The following KIF7 variants were observed in gnomAD, a reference collection of about 807,000 sequenced individuals.
The protein encoded by KIF7 is kinesin-like protein KIF7.
In KIF7, 104 loss-of-function variants were observed where a neutral mutation model predicts 135.7. The ratio of observed to expected loss-of-function variants is 0.77; its 90% confidence interval spans 0.65 to 0.90. KIF7 has a LOEUF of 0.90. Ranked by LOEUF, KIF7 falls within the 40% of genes least tolerant of loss-of-function variation. KIF7 has a pLI of 0.00. For missense variants in KIF7, 2,005 were observed against 1,839.1 expected (o/e 1.09, Z -1.65); for synonymous variants, 883 against 809.4 (o/e 1.09, Z -1.54).
Position 89,642,336 on chromosome 15 carries a change from T to G in KIF7, c.2261A>C (p.Gln754Pro). 1 of 1,610,730 alleles carries G rather than the reference T, an allele frequency of 6.2e-7. No individual in the cohort carries two copies. The highest frequency in any genetic ancestry group is 8.5e-7 in the Non-Finnish European group (1 of 1,179,158). The change falls in exon 11 of 19, where the codon CAG becomes CCG. Residue 754 changes from glutamine (Q) to proline (P), a missense_variant. Coordinates refer to ENST00000394412, the MANE Select transcript of KIF7 (RefSeq NM_198525.3). ...GCCTTCACTCAGCTCGGCCCGCACCTGCTCTGCCTCCTGCTCCAGCTCCCG... is the reference window on the plus strand; with the variant it reads ...GCCTTCACTCAGCTCGGCCCGCACCGGCTCTGCCTCCTGCTCCAGCTCCCG... The part of the protein sequence containing the change: ...RIRELEQEAE[Q>P]VRAELSEGQR...
At chr15:89,635,762 T>C (rs1249995030) in intron 11 of KIF7, among the ~76,000 whole-genome samples, 1 of 152,142 alleles carries the variant, frequency 6.6e-6, no homozygotes, top group African/African-American at 2.4e-5. Context: ...TGCAGGATAT[T>C]ATCCAGGAGA....
chr15:89,629,048 C>T lies in KIF7; in HGVS notation c.3592G>A (p.Gly1198Ser). 1 of 1,613,538 alleles carries T rather than the reference C, an allele frequency of 6.2e-7. No homozygotes were observed. The highest frequency in any genetic ancestry group is 1.1e-5 in the South Asian group (1 of 91,048). ...TCCTGGTTTATCCACATGTAACGGC[C>T]CAGTTCCTTCTCCAGAGCTTGAATC... is the stretch of plus-strand genomic sequence containing the variant. ...ARIQALEKEL[G>S]RYMWINQELK... Residue 1198 changes from glycine (G) to serine (S), a missense_variant, in exon 18 of 19, where the codon GGC becomes AGC. Gly to Ser is a moderately conservative substitution (Grantham distance 56, BLOSUM62 0). Transcript: ENST00000394412.
intron 9 of KIF7, 33 bp from the exon 10 acceptor site, chr15:89,645,198 C>T: frequency 6.2e-7 from 1 of 1,605,804 alleles, no homozygotes; most frequent in Non-Finnish European, 8.5e-7. Flanking sequence ...GTTGCTGCCC[C>T]AACTGACAGT....
In KIF7 at chr15:89,629,023, TC is replaced by T; in HGVS notation, c.3616del (p.Glu1206AsnfsTer2). ...ELGRYMWINQ[E>X]LKQKLGGVNA... is the part of the protein sequence containing the mutation. The stretch of plus-strand genomic sequence containing the variant: ...CACACCGCCGAGCTTCTGTTTCAGT[TC>T]CTGGTTTATCCACATGTAACGGCCC... On this transcript the variant is annotated frameshift_variant, in exon 18 of 19. Transcript: ENST00000394412. LOFTEE classifies it low-confidence loss of function (END_TRUNC). The T allele has an allele frequency of 6.2e-7, 1 of 1,613,680 alleles. No homozygotes were observed. The highest frequency in any genetic ancestry group is 8.5e-7 in the Non-Finnish European group (1 of 1,179,938).
chr15:89,624,836 C>G, downstream of KIF7: 1 of 1,614,192 alleles, frequency 6.2e-7, no homozygotes, highest in Middle Eastern at 1.6e-4. Context: ...ATTCCCCCAT[C>G]TCCTCCTTCC....
intron 14 of KIF7, among the ~76,000 whole-genome samples, chr15:89,632,619 C>G (rs547862101): frequency 2.0e-5 from 3 of 152,270 alleles, no homozygotes; most frequent in African/African-American, 7.2e-5. Flanking sequence ...GGCAGAGATA[C>G]CACCTAGAAG....
intron 14 of KIF7, 59 bp from the exon 15 acceptor site, chr15:89,631,769 C>T: frequency 2.1e-6 from 3 of 1,419,004 alleles, no homozygotes; most frequent in South Asian, 2.7e-5. Context: ...ACAGGGGGGA[C>T]AGAAAGGGCC....
intron 1 of KIF7, among the ~76,000 whole-genome samples, chr15:89,621,786 C>T (rs1306873948): frequency 1.3e-5 from 2 of 152,134 alleles, no homozygotes; most frequent in East Asian, 3.9e-4. Context: ...AGGATCTCAT[C>T]TGTTCTCTTG....
Position 89,648,785 on chromosome 15 carries a change from G to A in KIF7, c.924-11C>T, listed in dbSNP as rs936486327. On this transcript the variant is annotated splice_polypyrimidine_tract_variant and intron_variant, in intron 4 of 18. Coordinates refer to ENST00000394412, the MANE Select transcript of KIF7 (RefSeq NM_198525.3). ...GAGTCTTTGAGGATCCTGAGGGCGCGAGGGGGAGGCTCTCAGGGGCCCCGA... is the reference window on the plus strand; with the variant it reads ...GAGTCTTTGAGGATCCTGAGGGCGCAAGGGGGAGGCTCTCAGGGGCCCCGA... 26 of 1,529,110 alleles carry A rather than the reference G, an allele frequency of 1.7e-5. No homozygotes were observed. Among genetic ancestry groups the A allele is most frequent in the Non-Finnish European group, 2.2e-5 (25 of 1,141,236 alleles). The allele number at this position is 1,529,110 out of a possible 1,614,324, so 94.7% of individuals were successfully genotyped here. A position where few individuals can be genotyped will look rare whatever the true frequency, so the allele number is the denominator to read the frequency against.
intron 16 of KIF7, 109 bp downstream of exon 16, chr15:89,630,178 G>C: frequency 9.8e-7 from 1 of 1,023,616 alleles, no homozygotes; most frequent in Admixed American, 2.0e-5. Flanking sequence ...TCCTGATTCT[G>C]TCCCCCAGTC....
downstream of KIF7, chr15:89,625,259 C>T (rs1307161409): frequency 1.9e-6 from 3 of 1,613,300 alleles, no homozygotes; most frequent in South Asian, 2.2e-5. Flanking sequence ...TGTACCCCCA[C>T]CCACGGCCCT....
chr15:89,623,522 G>T, downstream of KIF7: 5 of 1,200,978 alleles, frequency 4.2e-6, no homozygotes, highest in Non-Finnish European at 5.8e-6. Flanking sequence ...CATTCCTTTG[G>T]CTGACTATAA....
At chr15:89,626,423 G>C (rs555189100), downstream of KIF7, among the ~76,000 whole-genome samples, 1 of 152,154 alleles carries the variant, frequency 6.6e-6, no homozygotes, top group Non-Finnish European at 1.5e-5. Flanking sequence ...GGGTTTATCC[G>C]CATGTTCTGT....
chr15:89,643,034 G>GA (rs1488672347), intron 10 of KIF7, among the ~76,000 whole-genome samples: 1 of 152,114 alleles, frequency 6.6e-6, no homozygotes, highest in Non-Finnish European at 1.5e-5. Flanking sequence ...GAGGACAAAA[G>GA]AATGAGCTAA....
Position 89,631,632 on chromosome 15 carries a change from G to A in KIF7, c.2974C>T (p.Leu992=), listed in dbSNP as rs867666556. 29 of 1,562,330 alleles carry A rather than the reference G, an allele frequency of 1.9e-5. No homozygotes were observed. Among genetic ancestry groups the A allele is most frequent in the Non-Finnish European group, 2.0e-5 (23 of 1,152,454 alleles). ...TGGCTCTGGGCGCTGCCCTGCCGCA[G>A]CTGCCCGCTCTTCTCGGACAGCTCC... ...EKELSEKSGQ[L]RQGSAQSQQQ... Residue 992 remains leucine, a synonymous_variant, in exon 15 of 19, where the codon CTG becomes TTG. Coordinates refer to ENST00000394412, the MANE Select transcript of KIF7 (RefSeq NM_198525.3).
downstream of KIF7, among the ~76,000 whole-genome samples, chr15:89,623,136 T>TTGCTGCTGCACCTTA (rs1963453342): frequency 6.6e-6 from 1 of 152,252 alleles, no homozygotes; most frequent in South Asian, 2.1e-4. Flanking sequence ...GACATTATCT[T>TTGCTGCTGCACCTTA]TGCTGCTGCA....
At chr15:89,648,905 C>T in intron 4 of KIF7, 69 bp downstream of exon 4, 1 of 1,467,080 alleles carries the variant, frequency 6.8e-7, no homozygotes, top group Non-Finnish European at 9.0e-7. Context: ...GCTTCCACCC[C>T]CACTGGTGTG....
At chr15:89,640,836 A>G (rs1963905581) in intron 11 of KIF7, among the ~76,000 whole-genome samples, 1 of 151,018 alleles carries the variant, frequency 6.6e-6, no homozygotes, top group South Asian at 2.1e-4. Context: ...AAAAAAAAAA[A>G]AAAAAGAAAA....
intron 12 of KIF7, 116 bp downstream of exon 12, chr15:89,633,570 T>C (rs1407786674): frequency 1.7e-6 from 2 of 1,159,104 alleles, no homozygotes; most frequent in East Asian, 5.1e-5. Flanking sequence ...CTAAGTGACC[T>C]GCTTTCTAAG....
Sources: allele counts gnomAD v4.1 joint callset (sites outside exome capture counted in the v4.1 genomes callset), GRCh38; gene constraint gnomAD v4.1.1; transcripts MANE v1.5; gene names NCBI Gene and HGNC (gene_info 2026-07-23, HGNC 2026-07-21).